Variants in NSD1 observed in about 807,000 individuals in gnomAD.
NSD1 encodes the protein histone-lysine N-methyltransferase, H3 lysine-36 specific.
NSD1 carries 26 observed loss-of-function variants against 242.7 expected under a neutral mutation model. That is an observed-to-expected ratio of 0.11 (90% CI 0.08 to 0.15). The LOEUF (loss-of-function observed/expected upper bound fraction) is 0.15. Ranked by LOEUF, NSD1 falls within the 10% of genes least tolerant of loss-of-function variation. The pLI is 1.00. For missense variants in NSD1, 2,495 were observed against 3,272.8 expected, an observed-to-expected ratio of 0.76 and a Z score of 5.80; for synonymous variants, 1,106 against 1,178.1, an observed-to-expected ratio of 0.94 and a Z score of 1.25.
intron 5 of NSD1, among the ~76,000 whole-genome samples, chr5:177,233,336 T>C (rs1429343498): frequency 6.6e-6 from 1 of 152,070 alleles, no homozygotes; most frequent in Admixed American, 6.6e-5. Context: ...CCCTAAGTGC[T>C]AGGATTACAG....
intron 5 of NSD1, among the ~76,000 whole-genome samples, chr5:177,229,135 T>C (rs1306382132): frequency 6.6e-6 from 1 of 152,220 alleles, no homozygotes; most frequent in East Asian, 1.9e-4. Flanking sequence ...TAAATAGTAT[T>C]CCACCATAGA....
intron 3 of NSD1, among the ~76,000 whole-genome samples, chr5:177,199,745 A>G (rs148740177): frequency 0.025 from 3,865 of 151,800 alleles, 50 homozygotes; most frequent in African/African-American, 0.029. Context: ...GATTACAGGC[A>G]CCTGCCACCA....
Position 177,295,951 on chromosome 5 carries a change from C to T in NSD1, c.*492C>T. Reference sequence around the variant, plus strand: ...GGGTGCTAGTCACTGATGAGAGATACAGGCCTCATCCCTGTGAGCCTGGAT... The same window carrying T: ...GGGTGCTAGTCACTGATGAGAGATATAGGCCTCATCCCTGTGAGCCTGGAT... On this transcript the variant is annotated 3_prime_UTR_variant, in exon 23 of 23. Coordinates refer to ENST00000439151, the MANE Select transcript of NSD1 (RefSeq NM_022455.5). The surrounding 1 kb of genome is among the most constrained non-coding windows in gnomAD (Gnocchi z 4.3). The T allele has an allele frequency of 1.4e-5, 4 of 290,484 alleles. No individual in the cohort carries two copies. Among genetic ancestry groups the T allele is most frequent in the Non-Finnish European group, 2.6e-5 (4 of 151,628 alleles). The allele number at this position is 290,484 out of a possible 1,614,324, so 18.0% of individuals were successfully genotyped here.
intron 2 of NSD1, among the ~76,000 whole-genome samples, chr5:177,185,720 TTA>T (rs1491263085): frequency 9.2e-6 from 1 of 109,168 alleles, no homozygotes; most frequent in Non-Finnish European, 1.7e-5. Context: ...ACATTATATA[TTA>T]TATATTATAT....
chr5:177,142,789 G>A (rs1249815919), intron 2 of NSD1, among the ~76,000 whole-genome samples: 2 of 152,000 alleles, frequency 1.3e-5, no homozygotes, highest in African/African-American at 4.8e-5. Context: ...GAGAAATACT[G>A]GGTCTCTACT....
intron 5 of NSD1, among the ~76,000 whole-genome samples, chr5:177,218,858 C>A (rs964056723): frequency 6.6e-6 from 1 of 151,870 alleles, no homozygotes; most frequent in African/African-American, 2.4e-5. Context: ...CATGAGCCAC[C>A]GCGCCCGGCC....
At chr5:177,291,640 A>C (rs1451128214) in intron 21 of NSD1, among the ~76,000 whole-genome samples, 1 of 152,218 alleles carries the variant, frequency 6.6e-6, no homozygotes, top group Non-Finnish European at 1.5e-5. Flanking sequence ...GCAACACAGC[A>C]AGACTCCGTC....
At chr5:177,244,324 T>C in intron 9 of NSD1, 54 bp downstream of exon 9, 4 of 1,294,892 alleles carry the variant, frequency 3.1e-6, no homozygotes, top group Non-Finnish European at 3.3e-6. Context: ...TTGAAGTGCT[T>C]TGTCTGTTAA....
chr5:177,159,375 C>T (rs1423220658), intron 2 of NSD1, among the ~76,000 whole-genome samples: 1 of 151,454 alleles, frequency 6.6e-6, no homozygotes, highest in Non-Finnish European at 1.5e-5. Flanking sequence ...ACCCATCTCC[C>T]TGGTTCAAGC....
chr5:177,237,316 A>G (rs1034478265), intron 6 of NSD1, among the ~76,000 whole-genome samples: 1 of 152,058 alleles, frequency 6.6e-6, no homozygotes, highest in Non-Finnish European at 1.5e-5. Flanking sequence ...GAAAGGCAGA[A>G]TAAGTGCTTC....
intron 2 of NSD1, among the ~76,000 whole-genome samples, chr5:177,160,895 A>G (rs1283675711): frequency 6.6e-6 from 1 of 151,828 alleles, no homozygotes; most frequent in Admixed American, 6.6e-5. Context: ...CAGCCTCCCA[A>G]GTAGCTGGGA....
In NSD1 at chr5:177,295,276, C is replaced by T. The variant is rs143159630; in HGVS notation, c.7908C>T (p.Leu2636=). The T allele has an allele frequency of 6.0e-4, 969 of 1,614,254 alleles. 7 individuals are homozygous for T. In the Middle Eastern group the frequency reaches 0.011, roughly 18 times the overall value. Residue 2636 remains leucine (L), a synonymous_variant, in exon 23 of 23, where the codon CTC becomes CTT. Transcript: ENST00000439151. The surrounding 1 kb of genome is among the most constrained non-coding windows in gnomAD (Gnocchi z 4.3). ...GAAAAGCCTCATCACGGGCAGGGCTCTGGCCCATAGTGGCTGGACAGACAC... is the reference window on the plus strand; with the variant it reads ...GAAAAGCCTCATCACGGGCAGGGCTTTGGCCCATAGTGGCTGGACAGACAC... ...ALGKASSRAG[L]WPIVAGQTLA...
rs1046395221 is a variant in NSD1, at chr5:177,296,708, C to T, written c.*1249C>T. Reference sequence around the variant, plus strand: ...GCAACGTCCAGGCTAAGAGATGACTCCTATTAACTGCTGATTATCTGTTAC... The same window carrying T: ...GCAACGTCCAGGCTAAGAGATGACTTCTATTAACTGCTGATTATCTGTTAC... On this transcript the variant is annotated 3_prime_UTR_variant, in exon 23 of 23. Coordinates refer to ENST00000439151, the MANE Select transcript of NSD1 (RefSeq NM_022455.5). 8.6e-6 allele frequency: 2 copies of T among 233,230 alleles called. No individual in the cohort carries two copies. The highest frequency in any genetic ancestry group is 1.7e-5 in the Non-Finnish European group (2 of 118,106). 14.4% of individuals were successfully genotyped at this position (233,230 alleles called of 1,614,324 possible).
At chr5:177,266,085 T>A in intron 14 of NSD1, 2 of 1,127,140 alleles carry the variant, frequency 1.8e-6, no homozygotes, top group Non-Finnish European at 2.7e-6. Context: ...CGGTCCTCGG[T>A]GGCCGTCACA....
chr5:177,132,801 G>A (rs534569384), upstream of NSD1, among the ~76,000 whole-genome samples: 1,384 of 152,138 alleles, frequency 9.1e-3, 21 homozygotes, highest in African/African-American at 0.032. The surrounding 1 kb of genome is among the most constrained non-coding windows in gnomAD (Gnocchi z 7.5). Context: ...GGGAGGGAGA[G>A]GGATGGGGGG....
At position 177,238,103 on chromosome 5, in the gene NSD1, T is replaced by A; in HGVS notation, c.3922-134T>A. The A allele has an allele frequency of 1.1e-6, 1 of 942,206 alleles. No homozygotes were observed. The highest frequency in any genetic ancestry group is 1.3e-5 in the South Asian group (1 of 74,524). The allele number at this position is 942,206 out of a possible 1,614,324, so 58.4% of individuals were successfully genotyped here. ...CTTAAGTAATTTCCCTTAGCATACA[T>A]AATGTCTTCAAGGTTCATCCACTTT... On this transcript the variant is annotated intron_variant, in intron 6 of 22. Coordinates refer to ENST00000439151, the MANE Select transcript of NSD1 (RefSeq NM_022455.5). The surrounding 1 kb of genome is among the most constrained non-coding windows in gnomAD (Gnocchi z 4.6).
In NSD1 at chr5:177,135,617, C is replaced by T. The variant is rs754842269; in HGVS notation, c.514C>T (p.Gln172Ter). The T allele has an allele frequency of 1.9e-6, 3 of 1,614,186 alleles. No individual in the cohort carries two copies. The South Asian group carries it at 3.3e-5, about 18-fold the overall frequency. The change falls in exon 2 of 23, where the codon CAG (glutamine) becomes TAG (stop). Residue 172 changes from glutamine to a stop codon, truncating the protein, a stop_gained. Coordinates refer to ENST00000439151, the MANE Select transcript of NSD1 (RefSeq NM_022455.5). LOFTEE classifies it high-confidence loss of function. ...TGTAGATTCTGAAATGGACCCAGAA[C>T]AGCCAGTCACAGAGGATGAGAGTAT... ...ADVDSEMDPE[Q>*]PVTEDESIEE...
Position 177,218,500 on chromosome 5 carries a change from A to AT in NSD1, c.3796+6315dup, listed in dbSNP as rs564886979. 4.2e-4 allele frequency among the ~76,000 whole-genome samples: 59 copies of AT among 141,466 alleles called. 1 individual carries two copies. Among genetic ancestry groups the AT allele is most frequent in the South Asian group, 1.1e-3 (5 of 4,496 alleles). The allele number at this position is 141,466 out of a possible 152,430, so 92.8% of individuals were successfully genotyped here. On this transcript the variant is annotated intron_variant, in intron 5 of 22. Transcript: ENST00000439151. ...TCTGTTAATGTGCTGTATTCTGTTGATTTTTTTTTTCTATTTTTGAACCAT... is the reference window on the plus strand; with the variant it reads ...TCTGTTAATGTGCTGTATTCTGTTGATTTTTTTTTTTCTATTTTTGAACCAT...
At chr5:177,138,341 C>T (rs1430448023) in intron 2 of NSD1, among the ~76,000 whole-genome samples, 1 of 152,040 alleles carries the variant, frequency 6.6e-6, no homozygotes, top group African/African-American at 2.4e-5. Flanking sequence ...CTTCAACCAC[C>T]TCCTCCTGGG....
Sources: gnomAD v4.1 joint callset for allele counts (sites outside exome capture counted in the v4.1 genomes callset) on GRCh38, gnomAD v4.1.1 for gene constraint, Gnocchi (gnomAD v3.1) non-coding constraint, MANE v1.5 for transcripts, NCBI Gene and HGNC (gene_info 2026-07-23, HGNC 2026-07-21) for gene names.